The following GPHN variants were observed in gnomAD, a reference collection of about 807,000 sequenced individuals.
The protein encoded by GPHN is gephyrin.
In GPHN, 17 loss-of-function variants were observed where a neutral mutation model predicts 95.5. The ratio of observed to expected loss-of-function variants is 0.18; its 90% CI spans 0.12 to 0.27. The LOEUF (loss-of-function observed/expected upper bound fraction) is 0.27. GPHN is among the 10% of genes least tolerant of loss of function. GPHN has a pLI of 1.00. For synonymous variants in GPHN, 320 were observed against 322.5 expected (o/e 0.99, Z 0.08); for missense variants, 660 against 978.1 (o/e 0.67, Z 4.34).
At chr14:67,439,594 T>TTTCTTTCTTTC in the GPHN span, among the ~76,000 whole-genome samples, 6 of 101,962 alleles carry the variant, frequency 5.9e-5, no homozygotes, top group South Asian at 3.4e-4. Context: ...TCTTTCTTTC[T>TTTCTTTCTTTC]TCTTTCTTTT....
At chr14:66,616,955 C>T (rs1433472595) in intron 1 of GPHN, among the ~76,000 whole-genome samples, 2 of 152,164 alleles carry the variant, frequency 1.3e-5, no homozygotes, top group African/African-American at 4.8e-5. Context: ...ATCTGCCTGC[C>T]TCGGCCTCCC....
intron 3 of GPHN, among the ~76,000 whole-genome samples, chr14:66,781,034 C>T (rs1270755412): frequency 6.6e-6 from 1 of 152,116 alleles, no homozygotes; most frequent in Non-Finnish European, 1.5e-5. Flanking sequence ...GAATCTTTCA[C>T]AGTTTTCTAG....
At chr14:67,397,995 T>C in the GPHN span, 1 of 463,950 alleles carries the variant, frequency 2.2e-6, no homozygotes, top group Non-Finnish European at 3.8e-6. Flanking sequence ...AGCAAAGACC[T>C]TTGGCACTGA....
the GPHN span, among the ~76,000 whole-genome samples, chr14:67,558,119 C>G: frequency 3.9e-5 from 6 of 152,214 alleles, no homozygotes; most frequent in African/African-American, 1.4e-4. Flanking sequence ...CATCTACCTG[C>G]CAGTTCCTGT....
the GPHN span, chr14:67,336,628 A>T: frequency 8.1e-5 from 35 of 434,000 alleles, 1 homozygote; most frequent in Admixed American, 8.3e-4. Context: ...TATAAAGATC[A>T]AATTAAATCA....
At chr14:66,659,427 A>C (rs1159379496) in intron 1 of GPHN, among the ~76,000 whole-genome samples, 10 of 152,086 alleles carry the variant, frequency 6.6e-5, no homozygotes, top group Non-Finnish European at 1.0e-4. Context: ...AGTGTTCTTT[A>C]AATGTCAGTT....
chr14:67,242,786 A>G, the GPHN span, among the ~76,000 whole-genome samples: 20 of 152,234 alleles, frequency 1.3e-4, no homozygotes, highest in African/African-American at 4.8e-4. Context: ...ATCTTTAAAA[A>G]TCTGGTAAAT....
At chr14:67,616,848 C>T in the GPHN span, 1 of 151,868 alleles carries the variant, frequency 6.6e-6, no homozygotes, top group Non-Finnish European at 1.5e-5. Context: ...GTTTTGACTG[C>T]ATTCTTTTAT....
intron 12 of GPHN, among the ~76,000 whole-genome samples, chr14:67,095,281 C>T (rs1264757141): frequency 2.0e-5 from 3 of 152,132 alleles, no homozygotes; most frequent in Non-Finnish European, 4.4e-5. Context: ...AATCCATGGA[C>T]CAGCAGCCTC....
intron 1 of GPHN, among the ~76,000 whole-genome samples, chr14:66,660,503 A>G (rs2065578020): frequency 6.6e-6 from 1 of 152,110 alleles, no homozygotes; most frequent in Non-Finnish European, 1.5e-5. Context: ...ATGCTGGTAA[A>G]AAGTTTTCTT....
chr14:67,505,830 C>T, the GPHN span, among the ~76,000 whole-genome samples: 2 of 151,856 alleles, frequency 1.3e-5, no homozygotes, highest in South Asian at 4.2e-4. Flanking sequence ...CATCAGCCTC[C>T]CTGGGATTAC....
chr14:67,650,986 A>T, the GPHN span: 1 of 1,465,600 alleles, frequency 6.8e-7, no homozygotes, highest in South Asian at 1.2e-5. Flanking sequence ...GAGGGGATAG[A>T]TGAATACTAA....
chr14:67,089,417 CATA>C (rs1400786699), intron 12 of GPHN, among the ~76,000 whole-genome samples: 2 of 151,984 alleles, frequency 1.3e-5, no homozygotes, highest in African/African-American at 4.8e-5. Context: ...GCATACAATG[CATA>C]ATAATCACAT....
chr14:66,888,483 G>A (rs138526326), intron 5 of GPHN, among the ~76,000 whole-genome samples: 1 of 152,236 alleles, frequency 6.6e-6, no homozygotes, highest in Non-Finnish European at 1.5e-5. Context: ...TATAAGAGCA[G>A]AGGTTTTGTA....
chr14:67,637,929 C>A, the GPHN span, among the ~76,000 whole-genome samples: 1 of 152,212 alleles, frequency 6.6e-6, no homozygotes, highest in Non-Finnish European at 1.5e-5. Context: ...GTGCCACTTT[C>A]AGGCCAGAGT....
chr14:67,116,368 AAG>A (rs947932614), intron 16 of GPHN, among the ~76,000 whole-genome samples: 5 of 152,152 alleles, frequency 3.3e-5, no homozygotes, highest in South Asian at 2.1e-4. Flanking sequence ...GCAAAAAGAA[AAG>A]AGAGAAAAGA....
chr14:67,329,275 C>G, the GPHN span, among the ~76,000 whole-genome samples: 21 of 151,566 alleles, frequency 1.4e-4, no homozygotes, highest in Non-Finnish European at 2.5e-4. Context: ...TTGGCTCTCT[C>G]TTTGTCTGTT....
At chr14:66,539,986 G>T (rs2059295448) in intron 1 of GPHN, among the ~76,000 whole-genome samples, 1 of 152,282 alleles carries the variant, frequency 6.6e-6, no homozygotes, top group East Asian at 1.9e-4. Context: ...GTTTGAAACA[G>T]CAAAATCTAT....
chr14:67,063,605 A>T (rs1265499934), intron 11 of GPHN, among the ~76,000 whole-genome samples: 1 of 152,050 alleles, frequency 6.6e-6, no homozygotes, highest in South Asian at 2.1e-4. Flanking sequence ...CTTTTATTTC[A>T]TTGAGCAGTA....
Sources: gnomAD v4.1 joint callset for allele counts (sites outside exome capture counted in the v4.1 genomes callset) on GRCh38, gnomAD v4.1.1 for gene constraint, MANE v1.5 for transcripts, NCBI Gene and HGNC (gene_info 2026-07-23, HGNC 2026-07-21) for gene names.